Variants in GOLGA4 observed in about 807,000 individuals in gnomAD.
GOLGA4 encodes the protein golgin subfamily A member 4.
Under a neutral mutation model 265.9 loss-of-function variants are expected in GOLGA4, and 169 were observed. That is an observed-to-expected ratio of 0.64 (90% CI 0.56 to 0.72). The LOEUF (loss-of-function observed/expected upper bound fraction) is 0.72. Ranked by LOEUF, GOLGA4 falls within the 30% of genes least tolerant of loss-of-function variation. The pLI, the probability that GOLGA4 is intolerant of heterozygous loss-of-function variation, is 0.00. For missense variants in GOLGA4, 2,482 were observed against 2,483.4 expected (o/e 1.00, Z 0.01); for synonymous variants, 923 against 855.8 (o/e 1.08, Z -1.37).
In GOLGA4 at chr3:37,302,091, C is replaced by G. The variant is rs537827913; in HGVS notation, c.1087-94C>G. 2.8e-6 allele frequency: 3 copies of G among 1,065,906 alleles called. No individual in the cohort carries two copies. In the East Asian group the frequency reaches 7.7e-5, roughly 27 times the overall value. 66.0% of individuals were successfully genotyped at this position (1,065,906 alleles called of 1,614,324 possible). On this transcript the variant is annotated intron_variant, in intron 9 of 23. Coordinates refer to ENST00000361924, the MANE Select transcript of GOLGA4 (RefSeq NM_002078.5). The stretch of plus-strand genomic sequence containing the variant: ...GACATGAGTCACCATGCACCATGCC[C>G]GGCCTTTTTCTGCCTTTTAAATTAA...
chr3:37,243,666 T>G (rs750618862), intron 1 of GOLGA4, 44 bp downstream of exon 1: 1 of 1,494,588 alleles, frequency 6.7e-7, no homozygotes, highest in Non-Finnish European at 9.3e-7. Flanking sequence ...GAATACCTCT[T>G]GAACCGGCCC....
intron 21 of GOLGA4, among the ~76,000 whole-genome samples, chr3:37,352,526 T>C (rs2151060174): frequency 6.6e-6 from 1 of 152,120 alleles, no homozygotes; most frequent in South Asian, 2.1e-4. Flanking sequence ...CAGAGCCAAA[T>C]CATGTCGCTG....
intron 2 of GOLGA4, among the ~76,000 whole-genome samples, chr3:37,270,769 C>G (rs1242273178): frequency 1.3e-5 from 2 of 152,062 alleles, no homozygotes; most frequent in Non-Finnish European, 1.5e-5. Flanking sequence ...TCATGGAAGA[C>G]AGTTTTTCCA....
At chr3:37,336,286 C>T (rs2097012305) in intron 17 of GOLGA4, among the ~76,000 whole-genome samples, 1 of 151,988 alleles carries the variant, frequency 6.6e-6, no homozygotes, top group South Asian at 2.1e-4. Context: ...TTATATATTA[C>T]TTCTTTTGAG....
rs755135955 is a variant in GOLGA4 at position 37,325,437 on chromosome 3, A to G, written c.3551A>G (p.Glu1184Gly). 2 of 1,610,738 alleles carry G rather than the reference A, an allele frequency of 1.2e-6. No individual in the cohort carries two copies. The highest frequency in any genetic ancestry group is 1.3e-5 in the African/African-American group (1 of 74,604). The change falls in exon 14 of 24, where the codon GAA (glutamate) becomes GGA (glycine). Residue 1184 changes from glutamate (E) to glycine (G), a missense_variant. By Grantham distance (98) the Glu-to-Gly change is moderately conservative. Around this residue, in one of 3 missense-constraint regions of GOLGA4, gnomAD observed 1,536 missense variants for 1,483.7 expected, o/e 1.04. Coordinates refer to ENST00000361924, the MANE Select transcript of GOLGA4 (RefSeq NM_002078.5). ...AGCAAGTTGAAAACCACAGATGAAGAATTCCAGAGTTTGAAATCTTCACAT... is the reference window on the plus strand; with the variant it reads ...AGCAAGTTGAAAACCACAGATGAAGGATTCCAGAGTTTGAAATCTTCACAT... ...LTSKLKTTDE[E>G]FQSLKSSHEK...
At chr3:37,316,250 C>A (rs1424229895) in intron 11 of GOLGA4, among the ~76,000 whole-genome samples, 2 of 150,662 alleles carry the variant, frequency 1.3e-5, no homozygotes, top group Non-Finnish European at 3.0e-5. Context: ...CCTTTCTTGC[C>A]ACTTTGCTCA....
At chr3:37,270,445 T>G (rs1424414160) in intron 2 of GOLGA4, among the ~76,000 whole-genome samples, 2 of 152,108 alleles carry the variant, frequency 1.3e-5, no homozygotes, top group Non-Finnish European at 2.9e-5. Flanking sequence ...CTCGAACTCC[T>G]TACCTCAGGT....
rs531863736 is a variant in GOLGA4 at position 37,334,669 on chromosome 3, G to A, written c.6193-384G>A. Among the ~76,000 whole-genome samples, 23 of 152,186 alleles carry A rather than the reference G, an allele frequency of 1.5e-4. No individual in the cohort carries two copies. In the East Asian group the frequency reaches 2.7e-3, roughly 18 times the overall value. ...GCTGAAGTCTTAAAACACAGGATAC[G>A]TATTGTAGTTCTATCACAATTCTGT... On this transcript the variant is annotated intron_variant, in intron 16 of 23. Coordinates refer to ENST00000361924, the MANE Select transcript of GOLGA4 (RefSeq NM_002078.5).
chr3:37,315,044 G>C (rs1166459802), intron 10 of GOLGA4, among the ~76,000 whole-genome samples: 1 of 152,108 alleles, frequency 6.6e-6, no homozygotes, highest in Non-Finnish European at 1.5e-5. Context: ...GAACTTTAGA[G>C]CAAACGAAAA....
intron 21 of GOLGA4, among the ~76,000 whole-genome samples, chr3:37,348,558 A>T (rs1390006967): frequency 6.6e-6 from 1 of 152,116 alleles, no homozygotes; most frequent in African/African-American, 2.4e-5. Context: ...AGGGTATATT[A>T]TGTCCCTGTG....
intron 1 of GOLGA4, among the ~76,000 whole-genome samples, chr3:37,247,831 T>C (rs1315235763): frequency 6.6e-6 from 1 of 152,206 alleles, no homozygotes; most frequent in Non-Finnish European, 1.5e-5. Flanking sequence ...ACTTTCGGCT[T>C]AGAGGCTACC....
chr3:37,363,344 A>G (rs1464040133), intron 23 of GOLGA4, among the ~76,000 whole-genome samples: 6 of 152,196 alleles, frequency 3.9e-5, no homozygotes, highest in Non-Finnish European at 5.9e-5. Flanking sequence ...TGTACTTGTT[A>G]TTATTGCAGC....
chr3:37,250,234 T>TA (rs1347412853), intron 1 of GOLGA4: 1 of 152,262 alleles, frequency 6.6e-6, no homozygotes, highest in East Asian at 1.9e-4. Flanking sequence ...ATTGTAGAAA[T>TA]AGACTCTTGA....
chr3:37,258,332 GTA>G (rs753124411), intron 2 of GOLGA4, among the ~76,000 whole-genome samples: 3 of 150,282 alleles, frequency 2.0e-5, no homozygotes, highest in African/African-American at 7.3e-5. Context: ...TATGCTGTCT[GTA>G]TATATATATG....
Position 37,329,047 on chromosome 3 carries a change from A to T in GOLGA4, c.6146A>T (p.Asp2049Val). The change falls in exon 16 of 24, where the codon GAT becomes GTT. Residue 2049 changes from aspartate to valine, a missense_variant. This residue lies in a region of GOLGA4 where 942 missense variants were observed against 983.1 expected (regional missense o/e 0.96). Transcript: ENST00000361924. ...TTACTTAAAAAAATTGCTGAGAAAG[A>T]TGATGATCTAAAACGAACAGCCAAA... ...NQLLKKIAEKDDDLKRTAKRY... is the reference protein window; with the variant it reads ...NQLLKKIAEKVDDLKRTAKRY... 1 of 1,611,394 alleles carries T rather than the reference A, an allele frequency of 6.2e-7. No individual in the cohort carries two copies. The highest frequency in any genetic ancestry group is 8.5e-7 in the Non-Finnish European group (1 of 1,178,686).
At chr3:37,355,043 G>C (rs2885851) in intron 21 of GOLGA4, 58 bp from the exon 22 acceptor site, 15,825 of 967,774 alleles carry the variant, frequency 0.016, 230 homozygotes, top group South Asian at 0.038. Context: ...TGTCAGAATG[G>C]GTTGAGACTT....
intron 23 of GOLGA4, among the ~76,000 whole-genome samples, chr3:37,363,754 C>T (rs1696526489): frequency 6.6e-6 from 1 of 152,172 alleles, no homozygotes; most frequent in Admixed American, 6.6e-5. Flanking sequence ...CAGTTTTTTA[C>T]AGTTTTCCAA....
intron 12 of GOLGA4, among the ~76,000 whole-genome samples, chr3:37,321,316 T>A (rs2096954218): frequency 6.6e-6 from 1 of 152,232 alleles, no homozygotes; most frequent in Non-Finnish European, 1.5e-5. Flanking sequence ...TTGATTTTCC[T>A]TGTGGGGTCT....
chr3:37,361,174 A>G, intron 22 of GOLGA4, 69 bp from the exon 23 acceptor site: 1 of 1,160,330 alleles, frequency 8.6e-7, no homozygotes, highest in South Asian at 1.2e-5. Context: ...TCATATACAC[A>G]TACAATCTAT....
Sources: gnomAD v4.1 joint callset for allele counts (sites outside exome capture counted in the v4.1 genomes callset) on GRCh38, gnomAD v4.1.1 for gene constraint, gnomAD v4.1.1 regional missense constraint, MANE v1.5 for transcripts, NCBI Gene and HGNC (gene_info 2026-07-23, HGNC 2026-07-21) for gene names.